The following LRP1B variants were observed in gnomAD, a reference collection of about 807,000 sequenced individuals.
The protein encoded by LRP1B is LDL receptor related protein 1B, also known as low-density lipoprotein receptor-related protein 1B.
Under a neutral mutation model 556.6 loss-of-function variants are expected in LRP1B, and 217 were observed. The observed-to-expected ratio is 0.39, with a 90% CI of 0.35 to 0.44. The LOEUF (loss-of-function observed/expected upper bound fraction) is 0.44. Ranked by LOEUF, LRP1B falls within the 20% of genes least tolerant of loss-of-function variation. The pLI is 1.00. For missense variants in LRP1B, 5,053 were observed against 5,620.8 expected, an observed-to-expected ratio of 0.90 and a Z score of 3.23; for synonymous variants, 2,047 against 1,865.8, an observed-to-expected ratio of 1.10 and a Z score of -2.50.
rs534184713 is a variant in LRP1B at position 141,086,902 on chromosome 2, A to G, written c.1014-24629T>C. Among the ~76,000 whole-genome samples, 88 of 152,292 alleles carry G rather than the reference A, an allele frequency of 5.8e-4. 1 individual carries two copies. Among genetic ancestry groups the G allele is most frequent in the African/African-American group, 1.8e-3 (76 of 41,556 alleles). On this transcript the variant is annotated intron_variant, in intron 7 of 90. Coordinates refer to ENST00000389484, the MANE Select transcript of LRP1B (RefSeq NM_018557.3). ...AGATTGCTTATTGCTCTGCACACCA[A>G]TGGTTCCATTGCTGCCAACAATACA...
chr2:140,284,981 G>T (rs1683077012), intron 84 of LRP1B, among the ~76,000 whole-genome samples: 1 of 144,952 alleles, frequency 6.9e-6, no homozygotes, highest in African/African-American at 2.5e-5. Flanking sequence ...TATGTACCTA[G>T]ATGTTCATAT....
At chr2:141,423,487 C>T (rs1343022672) in intron 3 of LRP1B, among the ~76,000 whole-genome samples, 3 of 152,038 alleles carry the variant, frequency 2.0e-5, no homozygotes, top group Admixed American at 2.0e-4. Context: ...AAGATCCAAA[C>T]TAGCCACTCC....
intron 35 of LRP1B, among the ~76,000 whole-genome samples, chr2:140,737,765 T>C (rs1370428803): frequency 6.6e-6 from 1 of 152,174 alleles, no homozygotes; most frequent in Non-Finnish European, 1.5e-5. Flanking sequence ...GTGGTTCCTA[T>C]TACATCTCTG....
intron 65 of LRP1B, among the ~76,000 whole-genome samples, chr2:140,443,054 T>C (rs951072514): frequency 6.6e-6 from 1 of 152,158 alleles, no homozygotes; most frequent in Non-Finnish European, 1.5e-5. Context: ...TCAAACTGTC[T>C]AGGAATTGTG....
intron 2 of LRP1B, among the ~76,000 whole-genome samples, chr2:141,767,792 A>G (rs1039723490): frequency 1.3e-5 from 2 of 152,294 alleles, no homozygotes; most frequent in Middle Eastern, 3.4e-3. Context: ...CAAGAAAATT[A>G]AACAGAAATT....
chr2:140,284,896 A>ACC (rs1683070343), intron 84 of LRP1B, among the ~76,000 whole-genome samples: 3 of 18,838 alleles, frequency 1.6e-4, no homozygotes, highest in Admixed American at 1.8e-3. Flanking sequence ...CTATATATGG[A>ACC]TATCTATATA....
At chr2:141,651,392 G>A (rs868262051) in intron 2 of LRP1B, among the ~76,000 whole-genome samples, 3 of 152,086 alleles carry the variant, frequency 2.0e-5, no homozygotes, top group African/African-American at 4.8e-5. Flanking sequence ...GGCCAGGCAC[G>A]GTGGTTTACG....
chr2:141,966,590 A>G (rs997706189), intron 1 of LRP1B, among the ~76,000 whole-genome samples: 1 of 151,538 alleles, frequency 6.6e-6, no homozygotes, highest in Non-Finnish European at 1.5e-5. Context: ...TTTTTTTTCA[A>G]TTGATGACTC....
intron 7 of LRP1B, among the ~76,000 whole-genome samples, chr2:141,170,564 T>C (rs1680460376): frequency 6.6e-6 from 1 of 152,080 alleles, no homozygotes; most frequent in Non-Finnish European, 1.5e-5. Flanking sequence ...AATGCCAGTT[T>C]ATTAACAAGG....
At chr2:141,173,498 C>T (rs1172446268) in intron 7 of LRP1B, among the ~76,000 whole-genome samples, 1 of 152,126 alleles carries the variant, frequency 6.6e-6, no homozygotes, top group African/African-American at 2.4e-5. Context: ...CCATGCTACA[C>T]ATGGCATTCC....
chr2:142,086,314 AT>A (rs1458308309), intron 1 of LRP1B, among the ~76,000 whole-genome samples: 4 of 152,128 alleles, frequency 2.6e-5, no homozygotes, highest in Non-Finnish European at 4.4e-5. Context: ...ACAGGAAAAC[AT>A]TTCTAGCAGT....
intron 3 of LRP1B, among the ~76,000 whole-genome samples, chr2:141,268,183 T>C (rs189581457): frequency 9.9e-4 from 151 of 152,256 alleles, no homozygotes; most frequent in African/African-American, 3.5e-3. Flanking sequence ...GTGTGTTAAA[T>C]GTAACAACTG....
At chr2:140,940,493 A>T (rs983568445) in intron 20 of LRP1B, among the ~76,000 whole-genome samples, 1 of 152,184 alleles carries the variant, frequency 6.6e-6, no homozygotes, top group Non-Finnish European at 1.5e-5. Context: ...CTGAAGTTTC[A>T]TGATAACTTT....
intron 71 of LRP1B, among the ~76,000 whole-genome samples, chr2:140,370,208 A>T (rs1682934714): frequency 6.6e-6 from 1 of 151,938 alleles, no homozygotes; most frequent in Non-Finnish European, 1.5e-5. Flanking sequence ...AATGTAGGTT[A>T]TTTTCTCAGT....
chr2:141,437,371 G>T (rs970925189), intron 3 of LRP1B, among the ~76,000 whole-genome samples: 6 of 151,874 alleles, frequency 4.0e-5, no homozygotes, highest in African/African-American at 1.4e-4. Flanking sequence ...GATTAATAAG[G>T]GACTAGCTGT....
At chr2:142,001,070 G>A (rs1328350984) in intron 1 of LRP1B, among the ~76,000 whole-genome samples, 4 of 152,100 alleles carry the variant, frequency 2.6e-5, no homozygotes, top group Non-Finnish European at 4.4e-5. Context: ...CTTGGCTCTT[G>A]TTCTCTCTTG....
intron 66 of LRP1B, among the ~76,000 whole-genome samples, chr2:140,440,029 CAG>C (rs1318015087): frequency 6.6e-6 from 1 of 151,866 alleles, no homozygotes; most frequent in Admixed American, 6.6e-5. Context: ...TAAATAAAAA[CAG>C]AACAAATTAT....
chr2:141,421,938 T>A (rs1680159499), intron 3 of LRP1B, among the ~76,000 whole-genome samples: 1 of 152,214 alleles, frequency 6.6e-6, no homozygotes, highest in Admixed American at 6.5e-5. Context: ...CTCTTGGTTG[T>A]TGAGGATAGA....
At chr2:141,244,022 T>C (rs1053182529) in intron 5 of LRP1B, among the ~76,000 whole-genome samples, 6 of 152,178 alleles carry the variant, frequency 3.9e-5, no homozygotes, top group African/African-American at 1.4e-4. Flanking sequence ...AATTGCTATC[T>C]ATTGTCTTGA....
Sources: allele counts gnomAD v4.1 joint callset (sites outside exome capture counted in the v4.1 genomes callset), GRCh38; gene constraint gnomAD v4.1.1; transcripts MANE v1.5; gene names NCBI Gene and HGNC (gene_info 2026-07-23, HGNC 2026-07-21).